Variants in DDI2 observed in about 807,000 individuals in gnomAD.
The protein encoded by DDI2 is DDI proteasomal shuttling factor 2.
DDI2 carries 5 observed loss-of-function variants against 48.1 expected under a neutral mutation model. The observed-to-expected ratio is 0.10, with a 90% CI of 0.05 to 0.22. The LOEUF (loss-of-function observed/expected upper bound fraction) is 0.22, where lower values mean the gene tolerates loss of function less well. Among genes scored for constraint, DDI2 ranks in the 10% least tolerant of loss-of-function variants. The pLI, the probability that DDI2 is intolerant of heterozygous loss-of-function variation, is 1.00. For missense variants in DDI2, 285 were observed against 506.2 expected (o/e 0.56, Z 4.19); for synonymous variants, 205 against 183.6 (o/e 1.12, Z -0.94).
chr1:15,632,578 C>T (rs995699389), intron 3 of DDI2, among the ~76,000 whole-genome samples: 1 of 152,128 alleles, frequency 6.6e-6, no homozygotes, highest in Non-Finnish European at 1.5e-5. Flanking sequence ...TAACATACAT[C>T]TTATAGCAAG....
intron 2 of DDI2, 55 bp downstream of exon 2, chr1:15,626,853 G>C (rs1280099202): frequency 8.7e-6 from 14 of 1,609,578 alleles, no homozygotes; most frequent in Non-Finnish European, 1.2e-5. Context: ...AGGTAGCAGA[G>C]CATAGCACCT....
intron 1 of DDI2, among the ~76,000 whole-genome samples, chr1:15,625,896 C>T (rs938674105): frequency 2.6e-5 from 4 of 152,158 alleles, no homozygotes; most frequent in African/African-American, 9.7e-5. Flanking sequence ...GAATTACAGG[C>T]GTGAGCCAGC....
chr1:15,643,745 T>G, intron 6 of DDI2, 95 bp downstream of exon 6: 1 of 1,504,664 alleles, frequency 6.6e-7, no homozygotes, highest in Non-Finnish European at 8.9e-7. Context: ...TTTGTTGTTA[T>G]TTTGTTGTTG....
At chr1:15,645,638 G>A (rs879597279) in intron 6 of DDI2, among the ~76,000 whole-genome samples, 8 of 152,140 alleles carry the variant, frequency 5.3e-5, no homozygotes, top group Non-Finnish European at 8.8e-5. Flanking sequence ...GGAGGCTCAT[G>A]TGGGATGATG....
In DDI2 at chr1:15,658,537, C is replaced by T. The variant is rs184858378; in HGVS notation, c.*47-1300C>T. Among the ~76,000 whole-genome samples the T allele has an allele frequency of 8.8e-3, 1,324 of 151,028 alleles. 19 individuals are homozygous for T. Among genetic ancestry groups the T allele is most frequent in the African/African-American group, 0.029 (1,213 of 41,358 alleles). ...AAGCACTTTGGGAGGCTGAGGCGGG[C>T]GGATCACCTGAGGTCAAGAGTTTGA... On this transcript the variant is annotated intron_variant, in intron 9 of 9. Transcript: ENST00000480945.
chr1:15,630,464 C>G lies in DDI2; in HGVS notation c.408C>G (p.Ala136=), dbSNP rs151141668. The change falls in exon 3 of 10, where the codon GCC becomes GCG. Residue 136 remains alanine (A), a synonymous_variant. Coordinates refer to ENST00000480945, the MANE Select transcript of DDI2 (RefSeq NM_032341.5). ...TSSPQGLDNP[A]LLRDMLLANP... is the part of the protein sequence containing the mutation. The stretch of plus-strand genomic sequence containing the variant: ...CTCCTCAGGGCTTGGACAATCCAGC[C>G]TTGCTCCGAGATATGTTGCTGGCCA... The G allele has an allele frequency of 2.3e-5, 37 of 1,614,098 alleles. No homozygotes were observed. The Middle Eastern group carries it at 1.5e-3, about 65-fold the overall frequency.
At chr1:15,643,374 G>T in intron 5 of DDI2, 148 bp from the exon 6 acceptor site, 1 of 1,057,568 alleles carries the variant, frequency 9.5e-7, no homozygotes. Context: ...TAGGCAGGCA[G>T]GGCACTTGCT....
At chr1:15,623,181 A>G (rs1639696757) in intron 1 of DDI2, among the ~76,000 whole-genome samples, 1 of 152,128 alleles carries the variant, frequency 6.6e-6, no homozygotes, top group African/African-American at 2.4e-5. Flanking sequence ...TGTCCAGGGC[A>G]TGGGGATGCG....
chr1:15,630,120 C>T (rs904555713), intron 2 of DDI2, among the ~76,000 whole-genome samples: 4 of 152,016 alleles, frequency 2.6e-5, no homozygotes, highest in Non-Finnish European at 4.4e-5. Context: ...CTACCATCAC[C>T]TTCCCCCTAT....
rs772832698 is a variant in DDI2, at chr1:15,643,511, T to C, written c.761-11T>C. 2.5e-6 allele frequency: 4 copies of C among 1,609,614 alleles called. No homozygotes were observed. In the South Asian group the frequency reaches 3.3e-5, roughly 13 times the overall value. On this transcript the variant is annotated splice_polypyrimidine_tract_variant and intron_variant, in intron 5 of 9. Transcript: ENST00000480945. ...TTGTTTTTATTGTCTGATGTTTCTCTACTCCTCCAGGTGCCCAGATGACTA... is the reference window on the plus strand; with the variant it reads ...TTGTTTTTATTGTCTGATGTTTCTCCACTCCTCCAGGTGCCCAGATGACTA...
intron 5 of DDI2, among the ~76,000 whole-genome samples, chr1:15,642,210 G>C (rs1475166069): frequency 6.6e-6 from 1 of 152,196 alleles, no homozygotes; most frequent in Admixed American, 6.5e-5. Flanking sequence ...TGTAGAACTA[G>C]AGTTTCAGGG....
intron 2 of DDI2, among the ~76,000 whole-genome samples, chr1:15,630,074 T>C (rs1319972202): frequency 6.6e-6 from 1 of 152,182 alleles, no homozygotes; most frequent in African/African-American, 2.4e-5. Flanking sequence ...CTGATGTCTA[T>C]TGTGAGATAT....
chr1:15,646,438 G>A (rs1640092928), intron 6 of DDI2, among the ~76,000 whole-genome samples: 1 of 152,194 alleles, frequency 6.6e-6, no homozygotes, highest in South Asian at 2.1e-4. Context: ...TGTAATCCCA[G>A]CACTTTGGGA....
At chr1:15,643,919 TA>T (rs1640047289) in intron 6 of DDI2, among the ~76,000 whole-genome samples, 1 of 152,220 alleles carries the variant, frequency 6.6e-6, no homozygotes, top group African/African-American at 2.4e-5. Context: ...TCCGTCATTT[TA>T]GCTGATTTAT....
chr1:15,638,286 C>T, intron 4 of DDI2, 21 bp from the exon 5 acceptor site: 1 of 1,612,618 alleles, frequency 6.2e-7, no homozygotes, highest in Non-Finnish European at 8.5e-7. Flanking sequence ...TTTCAGTGTC[C>T]CTGGTCTTGT....
rs1453273114 is a variant in DDI2, at chr1:15,617,725, C to T, written c.55C>T (p.Leu19Phe). The change falls in exon 1 of 10, where the codon CTC (leucine) becomes TTC (phenylalanine). Residue 19 changes from leucine to phenylalanine, a missense_variant. By Grantham distance (22) the Leu-to-Phe change is conservative. Around this residue, in one of 3 missense-constraint regions of DDI2, gnomAD observed 149 missense variants for 236.5 expected, o/e 0.63. Transcript: ENST00000480945. ...RRDLSEVTFSLQVDADFELHN... is the reference protein window; with the variant it reads ...RRDLSEVTFSFQVDADFELHN... ...GGACCTCTCCGAGGTGACCTTTTCC[C>T]TCCAGGTCGACGCCGACTTCGAGCT... The T allele has an allele frequency of 6.8e-6, 11 of 1,610,850 alleles. No individual in the cohort carries two copies. Among genetic ancestry groups the T allele is most frequent in the Admixed American group, 3.3e-5 (2 of 59,730 alleles).
At chr1:15,626,632 A>G (rs1179575518) in intron 1 of DDI2, 37 bp from the exon 2 acceptor site, 21 of 1,612,520 alleles carry the variant, frequency 1.3e-5, no homozygotes, top group Non-Finnish European at 1.8e-5. Context: ...GTTACTTCTC[A>G]GTGCTTTATA....
rs1488865887 is a variant in DDI2, at chr1:15,665,752, G to T, written c.*5962G>T. On this transcript the variant is annotated 3_prime_UTR_variant, in exon 10 of 10. Coordinates refer to ENST00000480945, the MANE Select transcript of DDI2 (RefSeq NM_032341.5). ...ATATATATATATAGCAAACAGCCTT[G>T]CAAATCATCGGCCAGAAAAGCTGCA... 6.6e-6 allele frequency: 1 copy of T among 152,122 alleles called. No individual in the cohort carries two copies. The highest frequency in any genetic ancestry group is 2.4e-5 in the African/African-American group (1 of 41,416). 9.4% of individuals were successfully genotyped at this position (152,122 alleles called of 1,614,324 possible).
At chr1:15,649,655 G>A (rs975952119) in intron 6 of DDI2, 65 bp from the exon 7 acceptor site, 6 of 1,523,688 alleles carry the variant, frequency 3.9e-6, no homozygotes, top group African/African-American at 2.8e-5. Context: ...TGGGCAACAA[G>A]AGCGAAACTC....
Sources: allele counts gnomAD v4.1 joint callset (sites outside exome capture counted in the v4.1 genomes callset), GRCh38; gene constraint gnomAD v4.1.1; regional missense constraint gnomAD v4.1.1; transcripts MANE v1.5; gene names NCBI Gene and HGNC (gene_info 2026-07-23, HGNC 2026-07-21).